C16orf96: variants seen among roughly 807,000 people sequenced by gnomAD.
C16orf96 encodes uncharacterized protein C16orf96.
In C16orf96, 108 loss-of-function variants were observed where a neutral mutation model predicts 103.6. The ratio of observed to expected loss-of-function variants is 1.04; its 90% confidence interval spans 0.89 to 1.22. C16orf96 has a LOEUF of 1.22. C16orf96 is among the 50% of genes most tolerant of loss of function. The pLI is 0.00. For missense variants in C16orf96, 1,586 were observed against 1,464.2 expected (o/e 1.08, Z -1.36); for synonymous variants, 566 against 593.5 (o/e 0.95, Z 0.67).
intron 11 of C16orf96, among the ~76,000 whole-genome samples, chr16:4,592,853 C>T (rs1338930972): frequency 6.6e-6 from 1 of 152,046 alleles, no homozygotes; most frequent in Non-Finnish European, 1.5e-5. Context: ...GACAGTGAGA[C>T]CTCATATCAA....
chr16:4,540,455 A>G, the C16orf96 span, among the ~76,000 whole-genome samples: 1 of 152,122 alleles, frequency 6.6e-6, no homozygotes, highest in Admixed American at 6.5e-5. Flanking sequence ...AACTCTGGCC[A>G]GGCGTGGTGG....
chr16:4,557,469 A>G (rs1470295720), intron 1 of C16orf96, among the ~76,000 whole-genome samples: 2 of 152,148 alleles, frequency 1.3e-5, no homozygotes, highest in Non-Finnish European at 2.9e-5. Context: ...AGGTAAATCC[A>G]TGGAGACAGA....
In C16orf96 at chr16:4,575,551, T is replaced by A. The variant is rs908217381; in HGVS notation, c.1071T>A (p.Ser357Arg). 111 of 1,536,298 alleles carry A rather than the reference T, an allele frequency of 7.2e-5. 1 individual carries two copies. The highest frequency in any genetic ancestry group is 1.0e-4 in the Admixed American group (5 of 49,076). ...VPALGPVPGP[S>R]VTPGSLPAPW... Reference sequence around the variant, plus strand: ...CCCTGGGGCCTGTCCCAGGGCCCAGTGTGACACCTGGGTCCTTGCCAGCAC... The same window carrying A: ...CCCTGGGGCCTGTCCCAGGGCCCAGAGTGACACCTGGGTCCTTGCCAGCAC... The change falls in exon 5 of 16, where the codon AGT (serine) becomes AGA (arginine). Residue 357 changes from serine (S) to arginine (R), a missense_variant. Ser to Arg is a moderately radical substitution (Grantham distance 110). Transcript: ENST00000444310.
chr16:4,570,844 C>G (rs921864918), intron 1 of C16orf96, among the ~76,000 whole-genome samples: 2 of 152,076 alleles, frequency 1.3e-5, no homozygotes, highest in African/African-American at 4.8e-5. Flanking sequence ...GCCTGCTTCC[C>G]CTTTTGCCCT....
At chr16:4,592,837 C>G (rs1234954151) in intron 11 of C16orf96, among the ~76,000 whole-genome samples, 1 of 152,068 alleles carries the variant, frequency 6.6e-6, no homozygotes, top group African/African-American at 2.4e-5. Flanking sequence ...GCTCTCCAGC[C>G]TGGGTGACAG....
In C16orf96 at chr16:4,593,592, C is replaced by G. The variant is rs796390317; in HGVS notation, c.2867+276C>G. 2.0e-5 allele frequency among the ~76,000 whole-genome samples: 3 copies of G among 151,938 alleles called. No individual in the cohort carries two copies. The highest frequency in any genetic ancestry group is 4.4e-5 in the Non-Finnish European group (3 of 67,972). On this transcript the variant is annotated intron_variant, in intron 12 of 15. Transcript: ENST00000444310. This position sits in a 1 kb window ranked among gnomAD's most constrained non-coding sequence, Gnocchi z 4.2. ...GTTTCTTATTTAAATCTCACAACCC[C>G]CTGTGAGCTAGGGTTCCTATGCCCA...
intron 9 of C16orf96, among the ~76,000 whole-genome samples, chr16:4,591,359 G>C (rs571067933): frequency 2.6e-5 from 4 of 152,124 alleles, no homozygotes; most frequent in Non-Finnish European, 2.9e-5. Context: ...TGCCAGAAAG[G>C]TGTCTCAGAC....
intron 7 of C16orf96, among the ~76,000 whole-genome samples, chr16:4,586,000 C>T (rs1896919510): frequency 6.6e-6 from 1 of 152,050 alleles, no homozygotes; most frequent in Non-Finnish European, 1.5e-5. Context: ...TGGCTCACAC[C>T]TGTAATCCCA....
Position 4,556,900 on chromosome 16 carries a change from C to T in C16orf96, c.411C>T (p.Val137=). 2 of 1,541,854 alleles carry T rather than the reference C, an allele frequency of 1.3e-6. No individual in the cohort carries two copies. The highest frequency in any genetic ancestry group is 1.8e-6 in the Non-Finnish European group (2 of 1,139,374). ...LRKMVEGHDE[V]MAKSMQTLQD... ...AGATGGTGGAGGGTCATGATGAAGT[C>T]ATGGCCAAGGTACGCCCCCAGCCTC... Residue 137 remains valine, a synonymous_variant, in exon 1 of 16, where the codon GTC becomes GTT. Transcript: ENST00000444310.
intron 8 of C16orf96, among the ~76,000 whole-genome samples, chr16:4,587,764 A>T (rs1197410478): frequency 2.0e-5 from 3 of 151,940 alleles, no homozygotes; most frequent in Non-Finnish European, 4.4e-5. Context: ...GGAAGATCAC[A>T]TCTCTACAAA....
Position 4,570,527 on chromosome 16 carries a change from C to G in C16orf96, c.421-1034C>G, listed in dbSNP as rs943893487. Among the ~76,000 whole-genome samples the G allele has an allele frequency of 2.8e-5, 4 of 145,016 alleles. No individual in the cohort carries two copies. In the East Asian group the frequency reaches 8.1e-4, roughly 29 times the overall value. On this transcript the variant is annotated intron_variant, in intron 1 of 15. Transcript: ENST00000444310. ...TTGTCCAGTCTGGAGTGCAGTGGTG[C>G]GATCTTGGCTCACTGCAGCCTCTGC...
the C16orf96 span, among the ~76,000 whole-genome samples, chr16:4,547,132 C>G: frequency 6.6e-6 from 1 of 152,054 alleles, no homozygotes; most frequent in South Asian, 2.1e-4. Flanking sequence ...CACAGAAGAC[C>G]ACTTATTGTT....
intron 7 of C16orf96, among the ~76,000 whole-genome samples, chr16:4,585,146 C>CAAAAAATAAAATAAAA (rs1567452800): frequency 6.6e-6 from 1 of 150,950 alleles, no homozygotes; most frequent in African/African-American, 2.4e-5. Context: ...GACCCTGTCT[C>CAAAAAATAAAATAAAA]AAAAAATAAA....
intron 1 of C16orf96, among the ~76,000 whole-genome samples, chr16:4,557,857 A>G (rs777827788): frequency 5.3e-5 from 8 of 152,040 alleles, no homozygotes; most frequent in Non-Finnish European, 7.4e-5. Context: ...GTTTGTAGAG[A>G]TAGGGTCTCC....
At chr16:4,550,233 C>T in the C16orf96 span, among the ~76,000 whole-genome samples, 3 of 152,132 alleles carry the variant, frequency 2.0e-5, no homozygotes, top group African/African-American at 4.8e-5. Flanking sequence ...TACAGGCACC[C>T]GCCACCATGC....
At position 4,576,397 on chromosome 16, in the gene C16orf96, C is replaced by T. The variant is rs750837256; in HGVS notation, c.1917C>T (p.Gly639=). 1.4e-5 allele frequency: 21 copies of T among 1,551,064 alleles called. No individual in the cohort carries two copies. In the South Asian group the frequency reaches 2.0e-4, roughly 15 times the overall value. The change falls in exon 5 of 16, where the codon GGC becomes GGT. Residue 639 remains glycine (G), a synonymous_variant. Transcript: ENST00000444310. Reference sequence around the variant, plus strand: ...GAGCCACAGAATCCCAGATCTTGGGCGATGATTCCGAAATCTACGAAATCC... The same window carrying T: ...GAGCCACAGAATCCCAGATCTTGGGTGATGATTCCGAAATCTACGAAATCC... The part of the protein sequence containing the change: ...SRGATESQIL[G]DDSEIYEILS...
upstream of C16orf96, among the ~76,000 whole-genome samples, chr16:4,554,172 C>T (rs2059243106): frequency 6.6e-6 from 1 of 152,114 alleles, no homozygotes; most frequent in African/African-American, 2.4e-5. Context: ...CCTGTGGCAG[C>T]TGGCTCTTGG....
At chr16:4,580,185 C>T in intron 7 of C16orf96, 60 bp downstream of exon 7, 3 of 1,310,044 alleles carry the variant, frequency 2.3e-6, no homozygotes, top group East Asian at 2.9e-5. Context: ...TCACCTAGAC[C>T]TTCTGGCCCT....
At chr16:4,585,741 C>A (rs1328733784) in intron 7 of C16orf96, among the ~76,000 whole-genome samples, 1 of 152,188 alleles carries the variant, frequency 6.6e-6, no homozygotes, top group Non-Finnish European at 1.5e-5. Context: ...CTCAGAGGGG[C>A]CTCCTCGCCT....
Sources: gnomAD v4.1 joint callset for allele counts (sites outside exome capture counted in the v4.1 genomes callset) on GRCh38, gnomAD v4.1.1 for gene constraint, Gnocchi (gnomAD v3.1) non-coding constraint, MANE v1.5 for transcripts, NCBI Gene and HGNC (gene_info 2026-07-23, HGNC 2026-07-21) for gene names.